SNCAIP: variants seen among roughly 807,000 people sequenced by gnomAD.
The protein encoded by SNCAIP is synphilin-1.
Under a neutral mutation model 86.7 loss-of-function variants are expected in SNCAIP, and 43 were observed. That is an observed-to-expected ratio of 0.50 (90% CI 0.39 to 0.64). The LOEUF (loss-of-function observed/expected upper bound fraction) is 0.64, where lower values mean the gene tolerates loss of function less well. Among genes scored for constraint, SNCAIP ranks in the 30% least tolerant of loss-of-function variants. The pLI is 0.00. For synonymous variants in SNCAIP, 417 were observed against 427.2 expected, an observed-to-expected ratio of 0.98 and a Z score of 0.29; for missense variants, 981 against 1,103.1, an observed-to-expected ratio of 0.89 and a Z score of 1.57.
intron 10 of SNCAIP, among the ~76,000 whole-genome samples, chr5:122,462,176 GT>G (rs1214046104): frequency 1.3e-5 from 2 of 152,124 alleles, no homozygotes; most frequent in Admixed American, 1.3e-4. Context: ...ATCTTCAGAA[GT>G]ACACGGTGCT....
At position 122,451,585 on chromosome 5, in the gene SNCAIP, A is replaced by C. The variant is rs755634240; in HGVS notation, c.2738A>C (p.Lys913Thr). 6 of 1,607,792 alleles carry C rather than the reference A, an allele frequency of 3.7e-6. No homozygotes were observed. In the Admixed American group the frequency reaches 8.3e-5, roughly 22 times the overall value. Residue 913 changes from lysine to threonine, a missense_variant, in exon 10 of 11, where the codon AAA becomes ACA. Coordinates refer to ENST00000261368, the MANE Select transcript of SNCAIP (RefSeq NM_005460.4). Reference protein sequence around the residue: ...AKGNPASSASKGKNKAA With the variant: ...AKGNPASSASTGKNKAA ...GGAAACCCTGCCAGCTCCGCTAGCA[A>C]AGGAAAGAATAAGGCAGTAAGTGCT... is the stretch of plus-strand genomic sequence containing the variant.
In SNCAIP at chr5:122,423,718, A is replaced by G; in HGVS notation, c.981A>G (p.Lys327=). The G allele has an allele frequency of 6.2e-7, 1 of 1,601,754 alleles. No homozygotes were observed. Among genetic ancestry groups the G allele is most frequent in the Non-Finnish European group, 8.5e-7 (1 of 1,179,890 alleles). The change falls in exon 4 of 11, where the codon AAA becomes AAG. Residue 327 remains lysine, a synonymous_variant. Coordinates refer to ENST00000261368, the MANE Select transcript of SNCAIP (RefSeq NM_005460.4). ...KKVKSILNIV[K]EGQISLLPHL... ...TGAAAAGCATCTTGAACATTGTTAA[A>G]GAAGGACAGATCTCTCTCCTGGTAA...
chr5:122,325,322 G>A (rs887330362), intron 1 of SNCAIP, among the ~76,000 whole-genome samples: 19 of 152,118 alleles, frequency 1.2e-4, no homozygotes, highest in African/African-American at 4.3e-4. Flanking sequence ...CAGGTAGGGA[G>A]GGAGAGGTTT....
intron 1 of SNCAIP, among the ~76,000 whole-genome samples, chr5:122,349,340 G>A (rs1027944122): frequency 1.3e-5 from 2 of 152,108 alleles, no homozygotes; most frequent in African/African-American, 4.8e-5. Flanking sequence ...GGTAGAGCTT[G>A]ATATGAACTG....
intron 7 of SNCAIP, chr5:122,443,709 T>C: frequency 2.2e-6 from 1 of 454,320 alleles, no homozygotes; most frequent in South Asian, 1.6e-5. Context: ...AAGTCCGGTA[T>C]CTCTTTGCTT....
At chr5:122,347,466 G>T (rs1758852518) in intron 1 of SNCAIP, among the ~76,000 whole-genome samples, 2 of 149,574 alleles carry the variant, frequency 1.3e-5, no homozygotes, top group Admixed American at 1.3e-4. Flanking sequence ...TAACAATAGT[G>T]TGTGAGTGTT....
chr5:122,327,194 TCAC>T (rs1754282521), intron 1 of SNCAIP, among the ~76,000 whole-genome samples: 1 of 152,144 alleles, frequency 6.6e-6, no homozygotes, highest in Admixed American at 6.5e-5. Context: ...TTCACTGTTT[TCAC>T]CACATCAGTT....
At chr5:122,443,887 C>A (rs1459494883) in intron 7 of SNCAIP, among the ~76,000 whole-genome samples, 2 of 152,292 alleles carry the variant, frequency 1.3e-5, no homozygotes, top group East Asian at 1.9e-4. Context: ...CCATACAGTT[C>A]TCTCCACCTC....
intron 1 of SNCAIP, among the ~76,000 whole-genome samples, chr5:122,381,242 A>G (rs1355109635): frequency 1.4e-5 from 2 of 138,652 alleles, no homozygotes; most frequent in African/African-American, 5.6e-5. Flanking sequence ...GGGTGCATAT[A>G]TATTTAGGAT....
At chr5:122,338,620 T>C (rs911339472) in intron 1 of SNCAIP, among the ~76,000 whole-genome samples, 9 of 152,188 alleles carry the variant, frequency 5.9e-5, no homozygotes, top group Admixed American at 2.0e-4. Context: ...GAAATCCAAA[T>C]TAAGGATGCC....
At chr5:122,459,769 T>G (rs756313713) in intron 10 of SNCAIP, among the ~76,000 whole-genome samples, 4 of 152,198 alleles carry the variant, frequency 2.6e-5, no homozygotes, top group Non-Finnish European at 5.9e-5. Context: ...GTGTTCTATT[T>G]TAATTTATTG....
intron 10 of SNCAIP, among the ~76,000 whole-genome samples, chr5:122,461,701 CAG>C (rs1786336330): frequency 1.5e-5 from 2 of 134,996 alleles, no homozygotes; most frequent in Admixed American, 7.9e-5. Flanking sequence ...CTTTTTGAGA[CAG>C]AGTCTTGCTC....
chr5:122,345,662 A>T (rs1212029831), intron 1 of SNCAIP, among the ~76,000 whole-genome samples: 2 of 151,120 alleles, frequency 1.3e-5, no homozygotes. Context: ...CTGGACTCCA[A>T]CATTGCTCAA....
chr5:122,331,631 C>T (rs1302417720), intron 1 of SNCAIP, among the ~76,000 whole-genome samples: 1 of 152,196 alleles, frequency 6.6e-6, no homozygotes, highest in Non-Finnish European at 1.5e-5. Flanking sequence ...ACCAGCAGAT[C>T]TCATGTCAGG....
In SNCAIP at chr5:122,444,717, C is replaced by T. The variant is rs779598863; in HGVS notation, c.1577C>T (p.Thr526Ile). 2 of 1,613,838 alleles carry T rather than the reference C, an allele frequency of 1.2e-6. No individual in the cohort carries two copies. The highest frequency in any genetic ancestry group is 1.1e-5 in the South Asian group (1 of 91,066). ...MSLASQVVKLTKQLKEQTVER... is the reference protein window; with the variant it reads ...MSLASQVVKLIKQLKEQTVER... The stretch of plus-strand genomic sequence containing the variant: ...CTGGCCTCTCAAGTGGTGAAGTTAA[C>T]CAAGCAGCTAAAGGAGTAAGTGGCC... Residue 526 changes from threonine to isoleucine, a missense_variant, in exon 8 of 11, where the codon ACC becomes ATC. By Grantham distance (89) the Thr-to-Ile change is moderately conservative. Coordinates refer to ENST00000261368, the MANE Select transcript of SNCAIP (RefSeq NM_005460.4).
At chr5:122,459,392 T>C (rs977672485) in intron 10 of SNCAIP, among the ~76,000 whole-genome samples, 1 of 152,224 alleles carries the variant, frequency 6.6e-6, no homozygotes, top group African/African-American at 2.4e-5. Context: ...TTAAGCTTTT[T>C]TTCTTTCCAA....
At chr5:122,343,017 T>G (rs1757902143) in intron 1 of SNCAIP, among the ~76,000 whole-genome samples, 2 of 152,346 alleles carry the variant, frequency 1.3e-5, no homozygotes, top group East Asian at 3.9e-4. Flanking sequence ...GTGATTACAC[T>G]TGTTTTGGAA....
intron 1 of SNCAIP, among the ~76,000 whole-genome samples, chr5:122,339,180 T>C (rs542163590): frequency 2.0e-5 from 3 of 152,278 alleles, no homozygotes; most frequent in Admixed American, 6.5e-5. Context: ...GATAAAAATA[T>C]GGATGTTTTG....
chr5:122,383,877 T>A (rs967766102), intron 1 of SNCAIP, among the ~76,000 whole-genome samples: 1 of 152,214 alleles, frequency 6.6e-6, no homozygotes, highest in Non-Finnish European at 1.5e-5. Context: ...CAATTTTCTT[T>A]AAAGGTGAAG....
Sources: gnomAD v4.1 joint callset for allele counts (sites outside exome capture counted in the v4.1 genomes callset) on GRCh38, gnomAD v4.1.1 for gene constraint, MANE v1.5 for transcripts, NCBI Gene and HGNC (gene_info 2026-07-23, HGNC 2026-07-21) for gene names.